Variants in GRB2 observed in about 807,000 individuals in gnomAD.
The protein encoded by GRB2 is growth factor receptor bound protein 2, also known as growth factor receptor-bound protein 2.
A neutral mutation model predicts 27.4 loss-of-function variants in GRB2; 2 were observed. The ratio of observed to expected loss-of-function variants is 0.07; its 90% CI spans 0.03 to 0.23. The LOEUF is 0.23. GRB2 is among the 10% of genes least tolerant of loss of function. The pLI is 1.00. For missense variants in GRB2, 102 were observed against 282.4 expected (o/e 0.36, Z 4.58); for synonymous variants, 94 against 99.6 (o/e 0.94, Z 0.33).
At position 75,382,222 on chromosome 17, in the gene GRB2, CAA is replaced by C. The variant is rs11305301; in HGVS notation, c.78+11327_78+11328del. On this transcript the variant is annotated intron_variant, in intron 2 of 5. Coordinates refer to ENST00000316804, the MANE Select transcript of GRB2 (RefSeq NM_002086.5). The stretch of plus-strand genomic sequence containing the variant: ...TGATGACAGAGCAAGACTCCGTCTC[CAA>C]AAAAAAAAAGTCCTGGGTAATGTAT... Among the ~76,000 whole-genome samples the C allele has an allele frequency of 4.1e-4, 60 of 145,896 alleles. 2 individuals are homozygous for C. In the East Asian group the frequency reaches 9.2e-3, roughly 22 times the overall value.
rs1598245044 is a variant in GRB2 at position 75,374,106 on chromosome 17, T to C, written c.78+19445A>G. Among the ~76,000 whole-genome samples the C allele has an allele frequency of 6.6e-5, 10 of 151,804 alleles. 2 individuals are homozygous for C. Among genetic ancestry groups the C allele is most frequent in the Admixed American group, 6.6e-4 (10 of 15,260 alleles). ...CACCGTGCCCTGCCAGGTACTGATA[T>C]TCTTAAGAATTTATCAAGGCCAGGC... is the stretch of plus-strand genomic sequence containing the variant. On this transcript the variant is annotated intron_variant, in intron 2 of 5. Coordinates refer to ENST00000316804, the MANE Select transcript of GRB2 (RefSeq NM_002086.5).
At chr17:75,349,599 A>G (rs2078676699) in intron 2 of GRB2, among the ~76,000 whole-genome samples, 1 of 138,406 alleles carries the variant, frequency 7.2e-6, no homozygotes, top group Admixed American at 8.2e-5. Context: ...CAACCCCCGC[A>G]CCCTCTGCCT....
intron 2 of GRB2, among the ~76,000 whole-genome samples, chr17:75,381,927 C>T (rs927070452): frequency 6.6e-6 from 1 of 151,678 alleles, no homozygotes; most frequent in Non-Finnish European, 1.5e-5. Flanking sequence ...AGGGCTTTTG[C>T]CATTTTGTTA....
chr17:75,342,534 T>C (rs2078628149), intron 2 of GRB2, among the ~76,000 whole-genome samples: 1 of 152,120 alleles, frequency 6.6e-6, no homozygotes, highest in Admixed American at 6.5e-5. Context: ...CCTCCCAAAG[T>C]GCTGGGAATA....
chr17:75,336,023 G>A (rs2078574942), intron 2 of GRB2, among the ~76,000 whole-genome samples: 1 of 152,154 alleles, frequency 6.6e-6, no homozygotes. Flanking sequence ...ACCACCACCT[G>A]CCCCTGTACT....
chr17:75,392,253 A>G (rs2079003219), intron 2 of GRB2, among the ~76,000 whole-genome samples: 1 of 152,222 alleles, frequency 6.6e-6, no homozygotes, highest in Non-Finnish European at 1.5e-5. Flanking sequence ...CTGCTTTCTG[A>G]CAATTTAGTG....
intron 2 of GRB2, among the ~76,000 whole-genome samples, chr17:75,360,219 CA>C (rs1033381218): frequency 2.0e-5 from 3 of 151,544 alleles, no homozygotes; most frequent in African/African-American, 7.3e-5. Flanking sequence ...TTTTTATTCA[CA>C]ATAAACAAAT....
rs1398063110 is a variant in GRB2, at chr17:75,369,615, G to A, written c.78+23936C>T. On this transcript the variant is annotated intron_variant, in intron 2 of 5. Coordinates refer to ENST00000316804, the MANE Select transcript of GRB2 (RefSeq NM_002086.5). Reference sequence around the variant, plus strand: ...TACACCTGTAATCCCAGCACTTTGGGAGGCCGAGGCGGGCTGATCACTTGA... The same window carrying A: ...TACACCTGTAATCCCAGCACTTTGGAAGGCCGAGGCGGGCTGATCACTTGA... 2.0e-5 allele frequency among the ~76,000 whole-genome samples: 3 copies of A among 151,558 alleles called. No individual in the cohort carries two copies. In the East Asian group the frequency reaches 5.8e-4, roughly 29 times the overall value.
intron 2 of GRB2, among the ~76,000 whole-genome samples, chr17:75,389,992 C>T (rs1164695844): frequency 1.3e-5 from 2 of 152,122 alleles, no homozygotes; most frequent in African/African-American, 4.8e-5. Context: ...GAAAGTACAT[C>T]TTATATTTCT....
At chr17:75,322,949 C>A (rs528639289) in intron 4 of GRB2, among the ~76,000 whole-genome samples, 23 of 152,036 alleles carry the variant, frequency 1.5e-4, no homozygotes, top group African/African-American at 4.6e-4. Flanking sequence ...GAAACCCCGT[C>A]TCTACTAAAA....
At chr17:75,392,255 A>C (rs953870424) in intron 2 of GRB2, among the ~76,000 whole-genome samples, 1 of 152,240 alleles carries the variant, frequency 6.6e-6, no homozygotes, top group Non-Finnish European at 1.5e-5. Context: ...GCTTTCTGAC[A>C]ATTTAGTGTT....
intron 2 of GRB2, among the ~76,000 whole-genome samples, chr17:75,362,447 C>G (rs1207670813): frequency 6.6e-6 from 1 of 152,182 alleles, no homozygotes; most frequent in Non-Finnish European, 1.5e-5. Context: ...TCATTCACTC[C>G]ACCAAATCAC....
In GRB2 at chr17:75,346,578, C is replaced by CTTTTT. The variant is rs775027742; in HGVS notation, c.79-13786_79-13782dup. ...TCCAGTTACACCTTGCTTTTCTTGC[C>CTTTTT]TTTTTTTTTTTTTTTTTTTTTTTGA... is the stretch of plus-strand genomic sequence containing the variant. On this transcript the variant is annotated intron_variant, in intron 2 of 5. Coordinates refer to ENST00000316804, the MANE Select transcript of GRB2 (RefSeq NM_002086.5). Among the ~76,000 whole-genome samples, 50 of 68,760 alleles carry CTTTTT rather than the reference C, an allele frequency of 7.3e-4. 1 individual carries two copies. The highest frequency in any genetic ancestry group is 2.2e-3 in the African/African-American group (35 of 15,814). The allele number at this position is 68,760 out of a possible 152,430, so 45.1% of individuals were successfully genotyped here.
intron 1 of GRB2, among the ~76,000 whole-genome samples, chr17:75,404,062 A>C (rs1054948252): frequency 2.0e-5 from 3 of 152,128 alleles, no homozygotes; most frequent in Non-Finnish European, 4.4e-5. Flanking sequence ...CAGTGAGCCC[A>C]TATAGCACCA....
rs145412837 is a variant in GRB2, at chr17:75,353,134, G to A, written c.79-20337C>T. Among the ~76,000 whole-genome samples the A allele has an allele frequency of 7.2e-3, 1,063 of 148,528 alleles. 17 individuals carry two copies. Among genetic ancestry groups the A allele is most frequent in the African/African-American group, 0.025 (1,009 of 40,642 alleles). ...CGGGAGGCGGAGCTTGCAGTGAGCC[G>A]AGATCGCGCCACTGCACTTCAGCCT... is the stretch of plus-strand genomic sequence containing the variant. On this transcript the variant is annotated intron_variant, in intron 2 of 5. Transcript: ENST00000316804.
intron 2 of GRB2, among the ~76,000 whole-genome samples, chr17:75,349,509 T>A (rs1472631376): frequency 3.6e-5 from 1 of 27,560 alleles, no homozygotes; most frequent in Admixed American, 6.7e-4. Context: ...TAACTCAGAC[T>A]TTTTTTTTTT....
chr17:75,370,341 G>T (rs147344936), intron 2 of GRB2, among the ~76,000 whole-genome samples: 1 of 152,190 alleles, frequency 6.6e-6, no homozygotes, highest in Non-Finnish European at 1.5e-5. Context: ...AAATCTGTCC[G>T]CATGAATTTC....
At chr17:75,350,078 G>A (rs2078680252) in intron 2 of GRB2, among the ~76,000 whole-genome samples, 1 of 151,804 alleles carries the variant, frequency 6.6e-6, no homozygotes, top group African/African-American at 2.4e-5. Context: ...CAAGACTAAG[G>A]GAGCAGCTGG....
At chr17:75,350,501 A>T (rs890527309) in intron 2 of GRB2, among the ~76,000 whole-genome samples, 2 of 151,754 alleles carry the variant, frequency 1.3e-5, no homozygotes, top group Non-Finnish European at 2.9e-5. Flanking sequence ...ATTTATTTTT[A>T]TTTTTTTTGA....
Sources: gnomAD v4.1 joint callset for allele counts (sites outside exome capture counted in the v4.1 genomes callset) on GRCh38, gnomAD v4.1.1 for gene constraint, MANE v1.5 for transcripts, NCBI Gene and HGNC (gene_info 2026-07-23, HGNC 2026-07-21) for gene names.